Variants in SMAP1 observed in about 807,000 individuals in gnomAD.
The protein encoded by SMAP1 is stromal membrane-associated protein 1.
In SMAP1, 24 loss-of-function variants were observed where a neutral mutation model predicts 58.5. The observed-to-expected ratio is 0.41, with a 90% CI of 0.30 to 0.58. The LOEUF (loss-of-function observed/expected upper bound fraction) is 0.58. SMAP1 is among the 20% of genes least tolerant of loss of function. The pLI is 0.29. For missense variants in SMAP1, 563 were observed against 566.3 expected (o/e 0.99, Z 0.06); for synonymous variants, 216 against 196.6 (o/e 1.10, Z -0.82).
chr6:70,668,188 G>A lies in SMAP1; in HGVS notation c.118+47G>A, dbSNP rs1476391229. 2.0e-6 allele frequency: 3 copies of A among 1,519,366 alleles called. No individual in the cohort carries two copies. In the East Asian group the frequency reaches 7.5e-5, roughly 38 times the overall value. 94.1% of individuals were successfully genotyped at this position (1,519,366 alleles called of 1,614,324 possible). A position where few individuals can be genotyped will look rare whatever the true frequency, so the allele number is the denominator to read the frequency against. On this transcript the variant is annotated intron_variant, in intron 1 of 10. Coordinates refer to ENST00000370455, the MANE Select transcript of SMAP1 (RefSeq NM_001044305.3). Reference sequence around the variant, plus strand: ...CCCACGGTCGGGGCCTCTTGCGACCGGTGACCTTCCCGCCGCTGCGGCGCT... The same window carrying A: ...CCCACGGTCGGGGCCTCTTGCGACCAGTGACCTTCCCGCCGCTGCGGCGCT...
intron 8 of SMAP1, among the ~76,000 whole-genome samples, chr6:70,854,094 T>C (rs1771299897): frequency 6.6e-6 from 1 of 152,224 alleles, no homozygotes; most frequent in Non-Finnish European, 1.5e-5. Flanking sequence ...AGTAGTGCCA[T>C]GACAAGGAGT....
chr6:70,765,596 A>G (rs1048199604), intron 3 of SMAP1, among the ~76,000 whole-genome samples: 1 of 152,176 alleles, frequency 6.6e-6, no homozygotes. Flanking sequence ...TCCTACCATA[A>G]TGAAGTTGAA....
At chr6:70,789,592 C>CTTTTTTTTTTTTTTTTTT (rs200041762) in intron 4 of SMAP1, among the ~76,000 whole-genome samples, 1 of 135,694 alleles carries the variant, frequency 7.4e-6, no homozygotes, top group South Asian at 2.4e-4. Context: ...TTTCTTTTTT[C>CTTTTTTTTTTTTTTTTTT]TTTTTTTTTT....
chr6:70,774,466 A>G (rs746724448), intron 4 of SMAP1, among the ~76,000 whole-genome samples: 11 of 152,318 alleles, frequency 7.2e-5, no homozygotes, highest in Admixed American at 1.3e-4. Flanking sequence ...TTTCATACAA[A>G]CTGGTTTCCT....
At chr6:70,746,462 G>T (rs188420602) in intron 2 of SMAP1, among the ~76,000 whole-genome samples, 1 of 152,304 alleles carries the variant, frequency 6.6e-6, no homozygotes, top group East Asian at 1.9e-4. Flanking sequence ...CTGTTTGTGT[G>T]ATGGATTACG....
chr6:70,823,159 C>G (rs1304646660), intron 6 of SMAP1, among the ~76,000 whole-genome samples: 2 of 152,116 alleles, frequency 1.3e-5, no homozygotes, highest in Non-Finnish European at 2.9e-5. Context: ...TCTCTTCAAA[C>G]TGTGTTTTTT....
At position 70,769,629 on chromosome 6, in the gene SMAP1, A is replaced by G. The variant is rs981948672; in HGVS notation, c.339-3721A>G. Reference sequence around the variant, plus strand: ...GGTAGATCTTCCTCCATCCCTTTATATTGAGCCTATGTGTGTCTCTGCATG... The same window carrying G: ...GGTAGATCTTCCTCCATCCCTTTATGTTGAGCCTATGTGTGTCTCTGCATG... On this transcript the variant is annotated intron_variant, in intron 3 of 10. Coordinates refer to ENST00000370455, the MANE Select transcript of SMAP1 (RefSeq NM_001044305.3). Among the ~76,000 whole-genome samples the G allele has an allele frequency of 6.3e-3, 956 of 152,006 alleles. 11 individuals carry two copies. The highest frequency in any genetic ancestry group is 0.019 in the African/African-American group (797 of 41,448).
chr6:70,728,504 A>C (rs1052444158), intron 1 of SMAP1, among the ~76,000 whole-genome samples: 4 of 152,216 alleles, frequency 2.6e-5, no homozygotes, highest in Non-Finnish European at 5.9e-5. Flanking sequence ...TGAGTATTTG[A>C]CTGAGTCATC....
At chr6:70,682,228 G>A (rs1280467498) in intron 1 of SMAP1, among the ~76,000 whole-genome samples, 3 of 122,576 alleles carry the variant, frequency 2.4e-5, no homozygotes, top group South Asian at 2.6e-4. Context: ...TCCCTCTGTC[G>A]CCCAGGCTCA....
At chr6:70,832,943 T>C (rs1053924762) in intron 6 of SMAP1, among the ~76,000 whole-genome samples, 1 of 152,194 alleles carries the variant, frequency 6.6e-6, no homozygotes, top group Non-Finnish European at 1.5e-5. Flanking sequence ...TATTTTAAGT[T>C]ATTATTACTC....
intron 1 of SMAP1, among the ~76,000 whole-genome samples, chr6:70,671,001 A>G (rs1766240517): frequency 1.3e-5 from 2 of 152,220 alleles, no homozygotes; most frequent in African/African-American, 4.8e-5. Flanking sequence ...GAACAGGCAG[A>G]TGGAACTACT....
intron 7 of SMAP1, among the ~76,000 whole-genome samples, chr6:70,845,626 C>T (rs1260622296): frequency 2.0e-5 from 3 of 152,178 alleles, no homozygotes; most frequent in Non-Finnish European, 4.4e-5. Context: ...AAGCAAATGC[C>T]CAGATAAATG....
chr6:70,767,314 T>C (rs1011461376), intron 3 of SMAP1, among the ~76,000 whole-genome samples: 123 of 152,182 alleles, frequency 8.1e-4, no homozygotes, highest in African/African-American at 2.9e-3. Flanking sequence ...GGGGATGGCA[T>C]TGAATCTATA....
chr6:70,738,161 T>A (rs1765685782), intron 2 of SMAP1, among the ~76,000 whole-genome samples: 1 of 152,168 alleles, frequency 6.6e-6, no homozygotes, highest in African/African-American at 2.4e-5. Context: ...GACTCTGAAG[T>A]TTCTTCCATT....
chr6:70,835,359 A>G (rs961458844), intron 6 of SMAP1, among the ~76,000 whole-genome samples: 2 of 152,150 alleles, frequency 1.3e-5, no homozygotes, highest in Non-Finnish European at 2.9e-5. Context: ...ATAAGGGTAG[A>G]TATGTGTTCT....
At chr6:70,727,799 A>T (rs1327372879) in intron 1 of SMAP1, among the ~76,000 whole-genome samples, 1 of 152,220 alleles carries the variant, frequency 6.6e-6, no homozygotes, top group African/African-American at 2.4e-5. Flanking sequence ...AGTGTGGCTC[A>T]TACCTGTAAT....
At chr6:70,705,304 T>A (rs1767794942) in intron 1 of SMAP1, among the ~76,000 whole-genome samples, 1 of 150,516 alleles carries the variant, frequency 6.6e-6, no homozygotes, top group Non-Finnish European at 1.5e-5. Flanking sequence ...CAGACTGGAG[T>A]GAAGTGGTGT....
chr6:70,785,492 A>C (rs983249652), intron 4 of SMAP1, among the ~76,000 whole-genome samples: 2 of 152,258 alleles, frequency 1.3e-5, no homozygotes, highest in Admixed American at 1.3e-4. Flanking sequence ...AAAACCCTTC[A>C]AAAAATCAAT....
At chr6:70,796,089 A>G (rs1395646767) in intron 5 of SMAP1, among the ~76,000 whole-genome samples, 1 of 152,174 alleles carries the variant, frequency 6.6e-6, no homozygotes, top group South Asian at 2.1e-4. Context: ...ATAGTTTACT[A>G]CGAATATATA....
Sources: allele counts gnomAD v4.1 joint callset (sites outside exome capture counted in the v4.1 genomes callset), GRCh38; gene constraint gnomAD v4.1.1; transcripts MANE v1.5; gene names NCBI Gene and HGNC (gene_info 2026-07-23, HGNC 2026-07-21).